The following WDFY4 variants were observed in gnomAD, a reference collection of about 807,000 sequenced individuals.
The protein encoded by WDFY4 is WD repeat- and FYVE domain-containing protein 4.
A neutral mutation model predicts 351.9 loss-of-function variants in WDFY4; 169 were observed. The observed-to-expected ratio is 0.48, with a 90% CI of 0.42 to 0.55. The LOEUF (loss-of-function observed/expected upper bound fraction) is 0.55. WDFY4 is among the 20% of genes least tolerant of loss of function. WDFY4 has a pLI of 0.00. For synonymous variants in WDFY4, 1,622 were observed against 1,574.6 expected (o/e 1.03, Z -0.71); for missense variants, 3,803 against 3,935.6 (o/e 0.97, Z 0.90).
At chr10:48,692,835 G>A (rs372954482) in intron 1 of WDFY4, among the ~76,000 whole-genome samples, 3 of 152,316 alleles carry the variant, frequency 2.0e-5, no homozygotes, top group Middle Eastern at 3.4e-3. Context: ...TACTGAGATC[G>A]TATCTTGATG....
chr10:48,812,293 G>A (rs1379266458), intron 30 of WDFY4, among the ~76,000 whole-genome samples: 7 of 149,340 alleles, frequency 4.7e-5, no homozygotes, highest in Middle Eastern at 3.2e-3. Flanking sequence ...GGGTTCAAGC[G>A]ATTCTCCCAC....
At chr10:48,688,948 G>A (rs1485884312) in intron 1 of WDFY4, among the ~76,000 whole-genome samples, 2 of 152,184 alleles carry the variant, frequency 1.3e-5, no homozygotes, top group African/African-American at 4.8e-5. Context: ...TTGGAAGGTG[G>A]AAGTAGAAGC....
rs149519039 is a variant in WDFY4 at position 48,900,326 on chromosome 10, CCTT to C, written c.7523+23_7523+25del. ...TAAAAGGTAAGAGCTTGAAAATCCT[CCTT>C]CTGAGGAAACTGATCCTGAACTGAG... On this transcript the variant is annotated intron_variant, in intron 46 of 61. Coordinates refer to ENST00000325239, the MANE Select transcript of WDFY4 (RefSeq NM_001394531.1). 5,056 of 1,542,870 alleles carry C rather than the reference CCTT, an allele frequency of 3.3e-3. 125 individuals are homozygous for C. The African/African-American group carries it at 0.055, about 17-fold the overall frequency.
At chr10:48,735,848 C>T (rs1200753781) in intron 10 of WDFY4, 32 bp from the exon 11 acceptor site, 12 of 1,538,452 alleles carry the variant, frequency 7.8e-6, no homozygotes, top group Non-Finnish European at 1.1e-5. Flanking sequence ...TTCCCCCTTG[C>T]CCTAGCCCCA....
intron 13 of WDFY4, 117 bp from the exon 14 acceptor site, chr10:48,774,341 A>G (rs2132615357): frequency 2.0e-6 from 2 of 1,015,842 alleles, no homozygotes; most frequent in South Asian, 2.8e-5. Context: ...GGGATGGGGT[A>G]TGGTGGGCGC....
chr10:48,853,606 A>G (rs1459721402), intron 39 of WDFY4, among the ~76,000 whole-genome samples: 1 of 152,206 alleles, frequency 6.6e-6, no homozygotes, highest in Non-Finnish European at 1.5e-5. Context: ...AATTCTCCAA[A>G]TTACAGTTGG....
chr10:48,692,941 G>A (rs1297299862), intron 1 of WDFY4, among the ~76,000 whole-genome samples: 4 of 152,200 alleles, frequency 2.6e-5, no homozygotes, highest in Non-Finnish European at 4.4e-5. Context: ...AAAGTGGAGA[G>A]GAGCAGGGTT....
intron 19 of WDFY4, among the ~76,000 whole-genome samples, chr10:48,780,330 G>C (rs186106503): frequency 6.6e-6 from 1 of 152,218 alleles, no homozygotes. Context: ...TGCATTGAAG[G>C]TCACGCTACC....
chr10:48,701,508 T>C (rs541818578), intron 1 of WDFY4, among the ~76,000 whole-genome samples: 41 of 152,330 alleles, frequency 2.7e-4, no homozygotes, highest in African/African-American at 9.9e-4. Context: ...GTATTTTTAA[T>C]TGGATGCAAA....
At chr10:48,692,351 C>T (rs1432844894) in intron 1 of WDFY4, among the ~76,000 whole-genome samples, 2 of 152,100 alleles carry the variant, frequency 1.3e-5, no homozygotes, top group African/African-American at 2.4e-5. Context: ...GGACAGTGCC[C>T]CTAGGTGAGT....
intron 15 of WDFY4, 54 bp downstream of exon 15, chr10:48,775,860 C>T (rs2066015822): frequency 6.9e-7 from 1 of 1,456,354 alleles, no homozygotes; most frequent in Non-Finnish European, 9.4e-7. Flanking sequence ...AGATGATAGG[C>T]ATTCCTGCTG....
chr10:48,757,306 C>T (rs2065366465), intron 12 of WDFY4, among the ~76,000 whole-genome samples: 2 of 152,048 alleles, frequency 1.3e-5, no homozygotes, highest in South Asian at 4.1e-4. Context: ...AATTGTGATG[C>T]TCTGTTGTAA....
At chr10:48,962,396 C>T (rs1388237981) in intron 53 of WDFY4, among the ~76,000 whole-genome samples, 2 of 152,170 alleles carry the variant, frequency 1.3e-5, no homozygotes, top group African/African-American at 4.8e-5. Context: ...AGAGGACCAA[C>T]AAGGGGAGCC....
intron 31 of WDFY4, among the ~76,000 whole-genome samples, chr10:48,816,042 A>C (rs1429362363): frequency 6.6e-6 from 1 of 152,190 alleles, no homozygotes; most frequent in Non-Finnish European, 1.5e-5. Context: ...GCCTGGACCT[A>C]AATTTGTCCC....
At chr10:48,867,715 C>T (rs1302781478) in intron 40 of WDFY4, among the ~76,000 whole-genome samples, 1 of 152,132 alleles carries the variant, frequency 6.6e-6, no homozygotes, top group Non-Finnish European at 1.5e-5. Flanking sequence ...GTGAAGCACC[C>T]AGACTGTGGC....
At chr10:48,733,883 T>C (rs1233592064) in intron 9 of WDFY4, 48 bp from the exon 10 acceptor site, 1 of 1,519,696 alleles carries the variant, frequency 6.6e-7, no homozygotes, top group East Asian at 2.5e-5. Flanking sequence ...TTTGCGGTCA[T>C]ACCACATGTA....
intron 31 of WDFY4, among the ~76,000 whole-genome samples, chr10:48,815,331 T>A (rs1262169313): frequency 6.6e-6 from 1 of 151,072 alleles, no homozygotes; most frequent in African/African-American, 2.5e-5. Context: ...TTATTAGCTA[T>A]CTTTATTTAT....
At chr10:48,739,649 AGAG>A (rs2064789149) in intron 11 of WDFY4, among the ~76,000 whole-genome samples, 1 of 152,246 alleles carries the variant, frequency 6.6e-6, no homozygotes. Context: ...AAGAAATAAT[AGAG>A]GAGTCTAAGT....
chr10:48,877,368 T>C (rs928191880), intron 43 of WDFY4, among the ~76,000 whole-genome samples, 169 bp downstream of exon 43: 1 of 152,198 alleles, frequency 6.6e-6, no homozygotes, highest in Non-Finnish European at 1.5e-5. Flanking sequence ...CCTAAATTTG[T>C]TGGCCCAGAG....
Sources: allele counts gnomAD v4.1 joint callset (sites outside exome capture counted in the v4.1 genomes callset), GRCh38; gene constraint gnomAD v4.1.1; transcripts MANE v1.5; gene names NCBI Gene and HGNC (gene_info 2026-07-23, HGNC 2026-07-21).